The following PTPRN2 variants were observed in gnomAD, a reference collection of about 807,000 sequenced individuals.
PTPRN2 encodes the protein protein tyrosine phosphatase receptor type N2, also known as receptor-type tyrosine-protein phosphatase N2.
PTPRN2 carries 74 observed loss-of-function variants against 118.8 expected under a neutral mutation model. The observed-to-expected ratio is 0.62, with a 90% CI of 0.52 to 0.76. The LOEUF is 0.76. Among genes scored for constraint, PTPRN2 ranks in the 30% least tolerant of loss-of-function variants. PTPRN2 has a pLI of 0.00. For missense variants in PTPRN2, 1,481 were observed against 1,394.4 expected (o/e 1.06, Z -0.99); for synonymous variants, 641 against 608.0 (o/e 1.05, Z -0.80).
At chr7:158,155,983 G>T (rs1043326690) in intron 6 of PTPRN2, among the ~76,000 whole-genome samples, 3 of 152,186 alleles carry the variant, frequency 2.0e-5, no homozygotes, top group Admixed American at 6.5e-5. Context: ...TCCACAGGGA[G>T]AAACTGACAT....
At chr7:158,514,909 C>T (rs1287728717) in intron 1 of PTPRN2, among the ~76,000 whole-genome samples, 1 of 152,160 alleles carries the variant, frequency 6.6e-6, no homozygotes, top group Admixed American at 6.6e-5. Flanking sequence ...CCTGGACCCG[C>T]TCTCTCAGGG....
At chr7:157,921,465 G>A (rs973661184) in intron 11 of PTPRN2, among the ~76,000 whole-genome samples, 6 of 152,336 alleles carry the variant, frequency 3.9e-5, no homozygotes, top group African/African-American at 1.4e-4. Flanking sequence ...CTCAAATATG[G>A]TTTATACCAT....
intron 13 of PTPRN2, among the ~76,000 whole-genome samples, chr7:157,661,644 AAGGCC>A (rs1795899029): frequency 6.6e-6 from 1 of 150,974 alleles, no homozygotes; most frequent in Non-Finnish European, 1.5e-5. Context: ...TGGCAGTGAT[AAGGCC>A]AGGAATGGCC....
intron 11 of PTPRN2, among the ~76,000 whole-genome samples, chr7:157,981,608 CTT>C (rs1053406820): frequency 2.6e-4 from 30 of 114,378 alleles, no homozygotes; most frequent in Admixed American, 1.3e-3. Context: ...ATTCAGTTTA[CTT>C]TATTTTAAAA....
rs374230061 is a variant in PTPRN2, at chr7:158,070,840, A to G, written c.1723+10458T>C. ...GGTGCCCGTGGTGGTGGAGGTGCCC[A>G]TGGTGGTATGGAGGTGCCCGTGGTG... is the stretch of plus-strand genomic sequence containing the variant. On this transcript the variant is annotated intron_variant, in intron 11 of 22. Coordinates refer to ENST00000389418, the MANE Select transcript of PTPRN2 (RefSeq NM_002847.5). Among the ~76,000 whole-genome samples the G allele has an allele frequency of 1.8e-3, 110 of 60,660 alleles. 6 individuals are homozygous for G. The highest frequency in any genetic ancestry group is 7.1e-3 in the African/African-American group (84 of 11,808). 39.8% of individuals were successfully genotyped at this position (60,660 alleles called of 152,430 possible).
intron 11 of PTPRN2, among the ~76,000 whole-genome samples, chr7:158,019,692 T>C (rs561766051): frequency 1.3e-5 from 2 of 152,176 alleles, no homozygotes; most frequent in Non-Finnish European, 2.9e-5. Context: ...CAGTGGAAGA[T>C]GGTGAGCGGG....
At position 157,868,082 on chromosome 7, in the gene PTPRN2, A is replaced by C. The variant is rs1031076551; in HGVS notation, c.1788+30591T>G. Among the ~76,000 whole-genome samples the C allele has an allele frequency of 3.9e-5, 6 of 152,218 alleles. No individual in the cohort carries two copies. The highest frequency in any genetic ancestry group is 1.2e-4 in the African/African-American group (5 of 41,462). ...GAACCCAGCCCGCATCCTGGGCAAG[A>C]GGCCCACATGCACCTTAGAAAGGGC... On this transcript the variant is annotated intron_variant, in intron 12 of 22. Transcript: ENST00000389418. The surrounding 1 kb of genome is among the most constrained non-coding windows in gnomAD (Gnocchi z 5.2).
At chr7:157,663,256 C>T (rs771899368) in intron 13 of PTPRN2, among the ~76,000 whole-genome samples, 11 of 152,078 alleles carry the variant, frequency 7.2e-5, no homozygotes, top group South Asian at 2.1e-4. Flanking sequence ...AAGGGCTGTG[C>T]GCGTGGAAAC....
intron 3 of PTPRN2, among the ~76,000 whole-genome samples, chr7:158,222,345 C>T (rs1300198830): frequency 6.6e-6 from 1 of 152,092 alleles, no homozygotes; most frequent in Non-Finnish European, 1.5e-5. Flanking sequence ...TGATGATGGA[C>T]TGGAAAAAGA....
chr7:158,571,670 TG>T (rs1323265269), intron 1 of PTPRN2, among the ~76,000 whole-genome samples: 1 of 151,788 alleles, frequency 6.6e-6, no homozygotes, highest in Admixed American at 6.6e-5. Context: ...CCTTTTGACT[TG>T]GGGTTTTATA....
In PTPRN2 at chr7:158,555,103, C is replaced by T. The variant is rs1388604432; in HGVS notation, c.112+32455G>A. Among the ~76,000 whole-genome samples, 1 of 152,176 alleles carries T rather than the reference C, an allele frequency of 6.6e-6. No individual in the cohort carries two copies. The highest frequency in any genetic ancestry group is 1.5e-5 in the Non-Finnish European group (1 of 68,032). The stretch of plus-strand genomic sequence containing the variant: ...CACACCAGATGCACATTACAAAGAG[C>T]GTCACAGTGGAATGAGAGGAAAGCC... On this transcript the variant is annotated intron_variant, in intron 1 of 22. Coordinates refer to ENST00000389418, the MANE Select transcript of PTPRN2 (RefSeq NM_002847.5). The surrounding 1 kb of genome is among the most constrained non-coding windows in gnomAD (Gnocchi z 4.7).
At chr7:158,255,401 C>A (rs898599619) in intron 3 of PTPRN2, among the ~76,000 whole-genome samples, 2 of 152,180 alleles carry the variant, frequency 1.3e-5, no homozygotes, top group African/African-American at 4.8e-5. Context: ...GGGAATGCTG[C>A]CTTCCTGTGG....
chr7:158,313,993 G>A (rs1202755536), intron 3 of PTPRN2, among the ~76,000 whole-genome samples: 1 of 151,888 alleles, frequency 6.6e-6, no homozygotes, highest in Non-Finnish European at 1.5e-5. Context: ...TTTCATCCCA[G>A]GACGCCCACC....
intron 2 of PTPRN2, among the ~76,000 whole-genome samples, chr7:158,365,351 G>A (rs776405062): frequency 6.6e-6 from 1 of 152,122 alleles, no homozygotes; most frequent in Non-Finnish European, 1.5e-5. Flanking sequence ...CACAACCAAC[G>A]AGGGTGTGAT....
chr7:158,422,635 G>A (rs1186359238), intron 2 of PTPRN2, among the ~76,000 whole-genome samples: 1 of 146,662 alleles, frequency 6.8e-6, no homozygotes, highest in Admixed American at 6.6e-5. Context: ...GCCGGCTTCT[G>A]GGGCCACCCT....
In PTPRN2 at chr7:157,881,914, A is replaced by G. The variant is rs545815401; in HGVS notation, c.1788+16759T>C. Among the ~76,000 whole-genome samples, 9 of 152,290 alleles carry G rather than the reference A, an allele frequency of 5.9e-5. No homozygotes were observed. Among genetic ancestry groups the G allele is most frequent in the African/African-American group, 2.2e-4 (9 of 41,560 alleles). Reference sequence around the variant, plus strand: ...CAGTGTCTAGGGCCCTCCACCATCCATCAGTTTCTAATGTAGGAGATGAGA... The same window carrying G: ...CAGTGTCTAGGGCCCTCCACCATCCGTCAGTTTCTAATGTAGGAGATGAGA... On this transcript the variant is annotated intron_variant, in intron 12 of 22. Coordinates refer to ENST00000389418, the MANE Select transcript of PTPRN2 (RefSeq NM_002847.5). The surrounding 1 kb of genome is among the most constrained non-coding windows in gnomAD (Gnocchi z 4.7).
rs13308765 is a variant in PTPRN2 at position 157,725,301 on chromosome 7, C to A, written c.1789-42364G>T. On this transcript the variant is annotated intron_variant, in intron 12 of 22. Transcript: ENST00000389418. ...TCCCAGGAGAACTGGATACCTACAC[C>A]CAGAGGAGTGTGGCCAGACCCTCGC... Among the ~76,000 whole-genome samples the A allele has an allele frequency of 1.1e-3, 107 of 97,048 alleles. 2 individuals carry two copies. The highest frequency in any genetic ancestry group is 5.3e-3 in the African/African-American group (95 of 17,780). The allele number at this position is 97,048 out of a possible 152,430, so 63.7% of individuals were successfully genotyped here.
At chr7:158,371,035 T>C (rs1360985210) in intron 2 of PTPRN2, among the ~76,000 whole-genome samples, 1 of 152,216 alleles carries the variant, frequency 6.6e-6, no homozygotes, top group African/African-American at 2.4e-5. Context: ...GCAGCAATTG[T>C]CATTTGGGAA....
chr7:157,876,065 G>T (rs1201043149), intron 12 of PTPRN2, among the ~76,000 whole-genome samples: 1 of 152,232 alleles, frequency 6.6e-6, no homozygotes, highest in Non-Finnish European at 1.5e-5. Flanking sequence ...GTCTCCATCT[G>T]GGGCAGCACC....
Sources: allele counts gnomAD v4.1 joint callset (sites outside exome capture counted in the v4.1 genomes callset), GRCh38; gene constraint gnomAD v4.1.1; non-coding constraint Gnocchi (gnomAD v3.1); transcripts MANE v1.5; gene names NCBI Gene and HGNC (gene_info 2026-07-23, HGNC 2026-07-21).